Variants in MIPEP observed in about 807,000 individuals in gnomAD.
MIPEP encodes the protein mitochondrial intermediate peptidase.
In MIPEP, 79 loss-of-function variants were observed where a neutral mutation model predicts 90.3. The ratio of observed to expected loss-of-function variants is 0.87; its 90% CI spans 0.73 to 1.05. MIPEP has a LOEUF of 1.05. MIPEP is among the 50% of genes least tolerant of loss of function. The pLI, the probability that MIPEP is intolerant of heterozygous loss-of-function variation, is 0.00. For synonymous variants in MIPEP, 334 were observed against 315.8 expected, an observed-to-expected ratio of 1.06 and a Z score of -0.61; for missense variants, 940 against 905.6, an observed-to-expected ratio of 1.04 and a Z score of -0.49.
chr13:23,750,348 G>A (rs1593131737), intron 18 of MIPEP, among the ~76,000 whole-genome samples: 1 of 152,182 alleles, frequency 6.6e-6, no homozygotes, highest in Non-Finnish European at 1.5e-5. Context: ...ACTACATGTA[G>A]CTGCCGTGTC....
At chr13:23,783,353 C>A (rs1220059710) in intron 16 of MIPEP, among the ~76,000 whole-genome samples, 1 of 152,212 alleles carries the variant, frequency 6.6e-6, no homozygotes, top group Admixed American at 6.5e-5. Context: ...ACAAAAACCA[C>A]ATGATTATCT....
chr13:23,829,185 A>G (rs1441447474), intron 14 of MIPEP, among the ~76,000 whole-genome samples: 1 of 152,224 alleles, frequency 6.6e-6, no homozygotes, highest in Non-Finnish European at 1.5e-5. Context: ...TTGATTAAAA[A>G]TTGAAAGAGA....
Position 23,784,252 on chromosome 13 carries a change from G to A in MIPEP, c.1848+21698C>T, listed in dbSNP as rs11616200. ...ACTTCAAACTATACTACAAGGCTAC[G>A]GTAACCAAAACAGCATGGTACTGGT... is the stretch of plus-strand genomic sequence containing the variant. On this transcript the variant is annotated intron_variant, in intron 16 of 18. Transcript: ENST00000382172. Among the ~76,000 whole-genome samples, 73 of 150,988 alleles carry A rather than the reference G, an allele frequency of 4.8e-4. 1 individual carries two copies. Among genetic ancestry groups the A allele is most frequent in the Non-Finnish European group, 6.8e-4 (46 of 67,494 alleles).
chr13:23,889,095 C>T, intron 1 of MIPEP, 37 bp downstream of exon 1: 1 of 1,382,120 alleles, frequency 7.2e-7, no homozygotes, highest in Non-Finnish European at 9.4e-7. Context: ...GTCGGCTTAG[C>T]TCGGGGACTG....
Position 23,870,060 on chromosome 13 carries a change from C to T in MIPEP, c.739G>A (p.Asp247Asn). Residue 247 changes from aspartate to asparagine, a missense_variant, in exon 6 of 19, where the codon GAT becomes AAT. Physicochemically the swap from Asp to Asn is conservative, Grantham distance 23 (BLOSUM62 1). Transcript: ENST00000382172. ...HIRRNFTSAG[D>N]HIIIDGLHAE... Reference sequence around the variant, plus strand: ...TGGAGACCATCAATTATGATATGATCCCCAGCAGATGTAAAGTTACGACGA... The same window carrying T: ...TGGAGACCATCAATTATGATATGATTCCCAGCAGATGTAAAGTTACGACGA... The T allele has an allele frequency of 3.7e-6, 6 of 1,612,260 alleles. No homozygotes were observed. The highest frequency in any genetic ancestry group is 5.1e-6 in the Non-Finnish European group (6 of 1,179,080).
chr13:23,842,971 G>A (rs1284879844), intron 10 of MIPEP, among the ~76,000 whole-genome samples: 6 of 151,972 alleles, frequency 3.9e-5, no homozygotes, highest in Admixed American at 2.0e-4. Flanking sequence ...GGTGGCGGGT[G>A]CCTGTAATCC....
intron 7 of MIPEP, among the ~76,000 whole-genome samples, chr13:23,868,414 G>A: frequency 6.6e-6 from 1 of 152,140 alleles, no homozygotes; most frequent in East Asian, 1.9e-4. Context: ...GAGAACTTTG[G>A]AGAAGAGAGG....
chr13:23,806,411 C>T (rs561601555), intron 15 of MIPEP, among the ~76,000 whole-genome samples: 1 of 152,298 alleles, frequency 6.6e-6, no homozygotes, highest in Admixed American at 6.5e-5. Flanking sequence ...GGCGCGGTGG[C>T]TCACGCCTGT....
chr13:23,870,146 G>A lies in MIPEP; in HGVS notation c.653C>T (p.Thr218Ile), dbSNP rs1371145933. Residue 218 changes from threonine (T) to isoleucine (I), a missense_variant, in exon 6 of 19, where the codon ACA becomes ATA. Transcript: ENST00000382172. ...GGGAAAATTGGTTCCCATAAGAAAT[G>A]TACTACTCAAATCCAAGATTTTAAC... Reference protein sequence around the residue: ...LNVKILDLSSTFLMGTNFPNK... With the variant: ...LNVKILDLSSIFLMGTNFPNK... 2 of 1,610,488 alleles carry A rather than the reference G, an allele frequency of 1.2e-6. No homozygotes were observed. Among genetic ancestry groups the A allele is most frequent in the Non-Finnish European group, 1.7e-6 (2 of 1,178,314 alleles).
At chr13:23,860,426 T>A (rs1465373669) in intron 9 of MIPEP, among the ~76,000 whole-genome samples, 1 of 151,918 alleles carries the variant, frequency 6.6e-6, no homozygotes, top group African/African-American at 2.4e-5. Flanking sequence ...CAAAACTAAG[T>A]GAATAGAGAT....
rs116428111 is a variant in MIPEP, at chr13:23,813,743, G to A, written c.1654-3819C>T. The stretch of plus-strand genomic sequence containing the variant: ...AGATCTTGAGGGGCTAAGACTACAG[G>A]CATGAGCCACCGTGTCCAGCCCCCA... On this transcript the variant is annotated intron_variant, in intron 14 of 18. Coordinates refer to ENST00000382172, the MANE Select transcript of MIPEP (RefSeq NM_005932.4). 8.7e-3 allele frequency among the ~76,000 whole-genome samples: 1,323 copies of A among 152,180 alleles called. 18 individuals are homozygous for A. The highest frequency in any genetic ancestry group is 0.031 in the African/African-American group (1,279 of 41,502).
chr13:23,761,536 A>G (rs1952543561), intron 16 of MIPEP, among the ~76,000 whole-genome samples: 1 of 152,240 alleles, frequency 6.6e-6, no homozygotes, highest in African/African-American at 2.4e-5. Context: ...TTTTCATGGA[A>G]GGACACAGTT....
intron 13 of MIPEP, 71 bp from the exon 14 acceptor site, chr13:23,836,420 T>A: frequency 2.5e-6 from 2 of 788,022 alleles, no homozygotes; most frequent in Non-Finnish European, 3.8e-6. Flanking sequence ...GTGTGCCCTT[T>A]AAAACTTTTA....
chr13:23,814,343 G>A (rs1343005520), intron 14 of MIPEP, among the ~76,000 whole-genome samples: 2 of 152,066 alleles, frequency 1.3e-5, no homozygotes, highest in African/African-American at 2.4e-5. Flanking sequence ...TGCAAGCTCC[G>A]CCTCCCAGGT....
At chr13:23,869,543 A>G (rs547685003) in intron 6 of MIPEP, 95 bp from the exon 7 acceptor site, 2 of 1,126,494 alleles carry the variant, frequency 1.8e-6, no homozygotes, top group South Asian at 3.7e-5. Flanking sequence ...TGATCTGCAG[A>G]TGATCACTGC....
At chr13:23,824,698 G>A (rs571490749) in intron 14 of MIPEP, among the ~76,000 whole-genome samples, 2 of 152,164 alleles carry the variant, frequency 1.3e-5, no homozygotes, top group African/African-American at 2.4e-5. Context: ...CAGTAATCCA[G>A]ATGGCACATA....
intron 18 of MIPEP, among the ~76,000 whole-genome samples, chr13:23,733,017 A>G (rs1326427565): frequency 6.6e-6 from 1 of 152,240 alleles, no homozygotes; most frequent in South Asian, 2.1e-4. Context: ...AATGCATAAA[A>G]ACATAAGGCC....
chr13:23,821,398 T>C (rs1210010991), intron 14 of MIPEP, among the ~76,000 whole-genome samples: 1 of 152,188 alleles, frequency 6.6e-6, no homozygotes, highest in Non-Finnish European at 1.5e-5. Flanking sequence ...GATTTTTTTT[T>C]GTCACTATAG....
chr13:23,763,336 G>A (rs927711383), intron 16 of MIPEP, among the ~76,000 whole-genome samples: 1 of 152,170 alleles, frequency 6.6e-6, no homozygotes, highest in Non-Finnish European at 1.5e-5. Context: ...AACAAGATAC[G>A]AGCACTTGTA....
Sources: allele counts gnomAD v4.1 joint callset (sites outside exome capture counted in the v4.1 genomes callset), GRCh38; gene constraint gnomAD v4.1.1; transcripts MANE v1.5; gene names NCBI Gene and HGNC (gene_info 2026-07-23, HGNC 2026-07-21).